Variants in NRXN1 observed in about 807,000 individuals in gnomAD.
NRXN1 encodes the protein neurexin-1.
NRXN1 carries 39 observed loss-of-function variants against 150.9 expected under a neutral mutation model. That is an observed-to-expected ratio of 0.26 (90% CI 0.20 to 0.34). The LOEUF is 0.34. Ranked by LOEUF, NRXN1 falls within the 10% of genes least tolerant of loss-of-function variation. The probability of loss-of-function intolerance (pLI) is 1.00; values close to 1 mark genes in which losing one functional copy is unlikely to be tolerated. For missense variants in NRXN1, 1,815 were observed against 1,949.9 expected (o/e 0.93, Z 1.30); for synonymous variants, 924 against 757.0 (o/e 1.22, Z -3.62).
chr2:50,875,083 T>C (rs891181568), intron 5 of NRXN1, among the ~76,000 whole-genome samples: 1 of 151,806 alleles, frequency 6.6e-6, no homozygotes, highest in Non-Finnish European at 1.5e-5. Context: ...TTCTACTTTG[T>C]TTTAAAGAGA....
rs189351094 is a variant in NRXN1 at position 50,070,097 on chromosome 2, G to A, written c.3719-15053C>T. Among the ~76,000 whole-genome samples, 48 of 151,988 alleles carry A rather than the reference G, an allele frequency of 3.2e-4. No individual in the cohort carries two copies. The South Asian group carries it at 7.3e-3, about 23-fold the overall frequency. Reference sequence around the variant, plus strand: ...GATCTCCTGACCTTGCGATCTGCCCGCCTTGGCCTCCCAAAGTGCTGAGAT... The same window carrying A: ...GATCTCCTGACCTTGCGATCTGCCCACCTTGGCCTCCCAAAGTGCTGAGAT... On this transcript the variant is annotated intron_variant, in intron 19 of 22. Transcript: ENST00000401669.
intron 2 of NRXN1, among the ~76,000 whole-genome samples, chr2:50,948,547 C>G (rs994067142): frequency 2.0e-5 from 3 of 152,006 alleles, no homozygotes; most frequent in African/African-American, 4.8e-5. Context: ...GCTGGTTGAT[C>G]TGAATTTATT....
At position 50,552,840 on chromosome 2, in the gene NRXN1, G is replaced by A. The variant is rs770382330; in HGVS notation, c.1506C>T (p.Gly502=). Reference sequence around the variant, plus strand: ...TTGTACGGAAATCAAATGATATGGAGCCAGTTTTCTTTGCATTCCATTTAG... The same window carrying A: ...TTGTACGGAAATCAAATGATATGGAACCAGTTTTCTTTGCATTCCATTTAG... ...SLPKWNAKKT[G]SISFDFRTTE... Residue 502 remains glycine (G), a synonymous_variant, in exon 9 of 23, where the codon GGC becomes GGT. Coordinates refer to ENST00000401669, the MANE Select transcript of NRXN1 (RefSeq NM_001330078.2). 2 of 1,613,956 alleles carry A rather than the reference G, an allele frequency of 1.2e-6. No homozygotes were observed. Among genetic ancestry groups the A allele is most frequent in the Non-Finnish European group, 1.7e-6 (2 of 1,179,858 alleles).
At chr2:50,952,874 G>A (rs1691630231) in intron 2 of NRXN1, among the ~76,000 whole-genome samples, 1 of 152,082 alleles carries the variant, frequency 6.6e-6, no homozygotes. Context: ...TAATTAAGTG[G>A]AAAAGTTTTG....
intron 5 of NRXN1, among the ~76,000 whole-genome samples, chr2:50,700,973 A>G (rs1373625988): frequency 6.6e-6 from 1 of 152,052 alleles, no homozygotes; most frequent in Non-Finnish European, 1.5e-5. Flanking sequence ...GCCAGGGATC[A>G]AGATTTTTAA....
chr2:50,751,959 GAA>G (rs1247376860), intron 5 of NRXN1, among the ~76,000 whole-genome samples: 1 of 151,866 alleles, frequency 6.6e-6, no homozygotes, highest in African/African-American at 2.4e-5. Context: ...TAAGAATCAG[GAA>G]AGAGTTATTG....
intron 2 of NRXN1, among the ~76,000 whole-genome samples, chr2:50,997,126 T>G (rs985290581): frequency 9.2e-5 from 14 of 152,050 alleles, no homozygotes; most frequent in Non-Finnish European, 1.9e-4. Flanking sequence ...TTTGGGAGGC[T>G]GAGCTGGAGG....
At chr2:50,431,718 A>T (rs2084978123) in intron 17 of NRXN1, among the ~76,000 whole-genome samples, 1 of 152,228 alleles carries the variant, frequency 6.6e-6, no homozygotes, top group African/African-American at 2.4e-5. Flanking sequence ...TCACACTACA[A>T]TCACAGAGTT....
At chr2:50,390,131 G>A (rs751675197) in intron 17 of NRXN1, among the ~76,000 whole-genome samples, 4 of 152,074 alleles carry the variant, frequency 2.6e-5, no homozygotes, top group Non-Finnish European at 5.9e-5. Flanking sequence ...AATAAAGACA[G>A]GTAAAAAGCA....
intron 17 of NRXN1, among the ~76,000 whole-genome samples, chr2:50,344,288 T>C (rs953183017): frequency 3.9e-5 from 6 of 152,286 alleles, no homozygotes; most frequent in African/African-American, 1.4e-4. Flanking sequence ...AAAGTTAATA[T>C]TATTTTCAAA....
intron 5 of NRXN1, among the ~76,000 whole-genome samples, chr2:50,763,306 G>A (rs1392460983): frequency 6.6e-6 from 1 of 151,870 alleles, no homozygotes; most frequent in Non-Finnish European, 1.5e-5. Flanking sequence ...AGCTGGTCAG[G>A]TCTACCTGCT....
intron 5 of NRXN1, among the ~76,000 whole-genome samples, chr2:50,784,853 C>T (rs1283609631): frequency 6.6e-6 from 1 of 151,982 alleles, no homozygotes; most frequent in Non-Finnish European, 1.5e-5. Context: ...GCACTGTATA[C>T]ACAATGAGAT....
chr2:50,797,111 C>T (rs1279490026), intron 5 of NRXN1, among the ~76,000 whole-genome samples: 2 of 152,130 alleles, frequency 1.3e-5, no homozygotes, highest in Non-Finnish European at 2.9e-5. Context: ...TTAATACTAT[C>T]ACATTAGGTA....
chr2:50,595,547 A>C (rs1290577809), intron 8 of NRXN1, among the ~76,000 whole-genome samples: 1 of 152,200 alleles, frequency 6.6e-6, no homozygotes, highest in Admixed American at 6.5e-5. Flanking sequence ...TAGCATTGCA[A>C]AGATGCCACG....
chr2:50,374,591 A>G (rs1039279374), intron 17 of NRXN1, among the ~76,000 whole-genome samples: 1 of 152,072 alleles, frequency 6.6e-6, no homozygotes, highest in Non-Finnish European at 1.5e-5. Context: ...ACTCATAAAC[A>G]CATAGCACTC....
intron 5 of NRXN1, among the ~76,000 whole-genome samples, chr2:50,700,277 C>G (rs765876489): frequency 6.6e-5 from 10 of 152,166 alleles, no homozygotes; most frequent in Non-Finnish European, 1.3e-4. Context: ...AGCACCTGAC[C>G]TACAGCTGAG....
At chr2:50,478,658 T>G (rs2090193051) in intron 15 of NRXN1, among the ~76,000 whole-genome samples, 2 of 152,182 alleles carry the variant, frequency 1.3e-5, no homozygotes, top group Non-Finnish European at 2.9e-5. Flanking sequence ...AACCATAAAT[T>G]ATTATCTTTA....
At chr2:50,117,466 G>A (rs747218833) in intron 18 of NRXN1, among the ~76,000 whole-genome samples, 1 of 152,056 alleles carries the variant, frequency 6.6e-6, no homozygotes, top group Non-Finnish European at 1.5e-5. Flanking sequence ...AGCAATATAA[G>A]CATTTGTGTG....
At position 50,743,307 on chromosome 2, in the gene NRXN1, A is replaced by G. The variant is rs1171620217; in HGVS notation, c.833-119692T>C. Among the ~76,000 whole-genome samples, 4 of 152,218 alleles carry G rather than the reference A, an allele frequency of 2.6e-5. No homozygotes were observed. In the East Asian group the frequency reaches 7.7e-4, roughly 29 times the overall value. On this transcript the variant is annotated intron_variant, in intron 5 of 22. Transcript: ENST00000401669. ...AGCTATGCACTTAAAATTCACTGAAATTTTAAAGTGGGTATGCTCTACTAA... is the reference window on the plus strand; with the variant it reads ...AGCTATGCACTTAAAATTCACTGAAGTTTTAAAGTGGGTATGCTCTACTAA...
Sources: allele counts gnomAD v4.1 joint callset (sites outside exome capture counted in the v4.1 genomes callset), GRCh38; gene constraint gnomAD v4.1.1; transcripts MANE v1.5; gene names NCBI Gene and HGNC (gene_info 2026-07-23, HGNC 2026-07-21).